Variants in PCCB observed in about 807,000 individuals in gnomAD.
The protein encoded by PCCB is propionyl-CoA carboxylase beta chain, mitochondrial.
PCCB carries 43 observed loss-of-function variants against 60.7 expected under a neutral mutation model. The ratio of observed to expected loss-of-function variants is 0.71; its 90% confidence interval spans 0.55 to 0.91. PCCB has a LOEUF of 0.91. Ranked by LOEUF, PCCB falls within the 40% of genes least tolerant of loss-of-function variation. The pLI, the probability that PCCB is intolerant of heterozygous loss-of-function variation, is 0.00. For missense variants in PCCB, 766 were observed against 702.8 expected, an observed-to-expected ratio of 1.09 and a Z score of -1.02; for synonymous variants, 276 against 255.9, an observed-to-expected ratio of 1.08 and a Z score of -0.75.
At chr3:136,265,247 A>G (rs1321745684) in intron 5 of PCCB, among the ~76,000 whole-genome samples, 1 of 152,206 alleles carries the variant, frequency 6.6e-6, no homozygotes, top group Non-Finnish European at 1.5e-5. Flanking sequence ...AAATCCACCC[A>G]TTGTGAAAAT....
chr3:136,320,398 G>A (rs1327782429), intron 10 of PCCB, among the ~76,000 whole-genome samples: 4 of 152,052 alleles, frequency 2.6e-5, no homozygotes, highest in African/African-American at 9.7e-5. Flanking sequence ...CAGAGTCCAA[G>A]CCTATCACCT....
intron 5 of PCCB, among the ~76,000 whole-genome samples, chr3:136,268,108 A>ATGTATATATATATATC (rs1560002540): frequency 8.0e-6 from 1 of 125,534 alleles, no homozygotes. Flanking sequence ...ATATATATAT[A>ATGTATATATATATATC]TATATATATA....
intron 13 of PCCB, among the ~76,000 whole-genome samples, chr3:136,328,249 C>T (rs892951876): frequency 6.6e-6 from 1 of 152,196 alleles, no homozygotes; most frequent in South Asian, 2.1e-4. Flanking sequence ...AATCAGATAA[C>T]TTCCAGGTCC....
rs1269554950 is a variant in PCCB, at chr3:136,283,923, A to G, written c.630A>G (p.Leu210=). The G allele has an allele frequency of 9.9e-6, 16 of 1,611,768 alleles. No homozygotes were observed. Among genetic ancestry groups the G allele is most frequent in the East Asian group, 2.2e-5 (1 of 44,890 alleles). ...CAGGAVYSPA[L]TDFTFMVKDT... is the part of the protein sequence containing the mutation. ...GTGGGGCCGTCTACTCCCCAGCCCT[A>G]ACAGACTTCACGTTCATGGTAAAGG... The change falls in exon 6 of 15, where the codon CTA becomes CTG. Residue 210 remains leucine, a synonymous_variant. Transcript: ENST00000251654.
chr3:136,298,824 T>C (rs1237218049), intron 8 of PCCB, among the ~76,000 whole-genome samples: 1 of 152,200 alleles, frequency 6.6e-6, no homozygotes, highest in Admixed American at 6.5e-5. Flanking sequence ...AGAAGGGATT[T>C]GAAATTGTAT....
At position 136,273,942 on chromosome 3, in the gene PCCB, G is replaced by A. The variant is rs1157235219; in HGVS notation, c.544-9895G>A. Among the ~76,000 whole-genome samples, 4 of 142,496 alleles carry A rather than the reference G, an allele frequency of 2.8e-5. 1 individual carries two copies. Among genetic ancestry groups the A allele is most frequent in the Admixed American group, 2.2e-4 (3 of 13,848 alleles). 93.5% of individuals were successfully genotyped at this position (142,496 alleles called of 152,430 possible). A position where few individuals can be genotyped will look rare whatever the true frequency, so the allele number is the denominator to read the frequency against. ...AAAAAAAAAAAAAAAAAAAAGAATAGCTCATTCTGCTTGCTTTTGGTTCCC... is the reference window on the plus strand; with the variant it reads ...AAAAAAAAAAAAAAAAAAAAGAATAACTCATTCTGCTTGCTTTTGGTTCCC... On this transcript the variant is annotated intron_variant, in intron 5 of 14. Coordinates refer to ENST00000251654, the MANE Select transcript of PCCB (RefSeq NM_000532.5).
Position 136,260,641 on chromosome 3 carries a change from C to T in PCCB, c.429+106C>T, listed in dbSNP as rs2108144715. ...ACTGAGCTAGGTACTTGGGGTAGGG[C>T]AGAGGTATGCAAGATGTGCTACCAA... On this transcript the variant is annotated intron_variant, in intron 4 of 14. Coordinates refer to ENST00000251654, the MANE Select transcript of PCCB (RefSeq NM_000532.5). 7.5e-6 allele frequency: 7 copies of T among 937,052 alleles called. No homozygotes were observed. The East Asian group carries it at 1.3e-4, about 17-fold the overall frequency. 58.0% of individuals were successfully genotyped at this position (937,052 alleles called of 1,614,324 possible). A position where few individuals can be genotyped will look rare whatever the true frequency, so the allele number is the denominator to read the frequency against.
chr3:136,277,428 G>A lies in PCCB; in HGVS notation c.544-6409G>A, dbSNP rs576369345. Among the ~76,000 whole-genome samples the A allele has an allele frequency of 1.3e-3, 200 of 152,256 alleles. 1 individual carries two copies. The highest frequency in any genetic ancestry group is 4.6e-3 in the African/African-American group (189 of 41,536). ...GTGGGATTCGAGCTTGTCCTGTGTTGCCCAGGAGGTATTCTGGTTTCTCAG... is the reference window on the plus strand; with the variant it reads ...GTGGGATTCGAGCTTGTCCTGTGTTACCCAGGAGGTATTCTGGTTTCTCAG... On this transcript the variant is annotated intron_variant, in intron 5 of 14. Coordinates refer to ENST00000251654, the MANE Select transcript of PCCB (RefSeq NM_000532.5).
intron 5 of PCCB, 109 bp downstream of exon 5, chr3:136,262,174 T>C: frequency 1.3e-6 from 1 of 758,344 alleles, no homozygotes; most frequent in Admixed American, 2.0e-5. Context: ...CCGCATTGTG[T>C]CTGTTCTGTG....
intron 3 of PCCB, chr3:136,259,149 GT>G: frequency 1.4e-6 from 2 of 1,465,230 alleles, no homozygotes; most frequent in South Asian, 1.4e-5. Flanking sequence ...TCTGATTCTT[GT>G]TTTTTAACCT....
At chr3:136,314,203 A>G (rs895630163) in intron 9 of PCCB, among the ~76,000 whole-genome samples, 3 of 152,252 alleles carry the variant, frequency 2.0e-5, no homozygotes, top group African/African-American at 7.2e-5. Flanking sequence ...AGGAACCAGC[A>G]TGAAGGAACT....
chr3:136,284,732 G>A (rs980977772), intron 6 of PCCB, among the ~76,000 whole-genome samples: 3 of 152,100 alleles, frequency 2.0e-5, no homozygotes, highest in African/African-American at 4.8e-5. Context: ...CAACTATTCT[G>A]TTCTTAGTGA....
At chr3:136,304,599 A>G (rs1934395779) in intron 9 of PCCB, among the ~76,000 whole-genome samples, 1 of 118,754 alleles carries the variant, frequency 8.4e-6, no homozygotes, top group Admixed American at 1.0e-4. Flanking sequence ...GTTAGCCAGG[A>G]TAGTCTCGAT....
intron 5 of PCCB, among the ~76,000 whole-genome samples, chr3:136,280,410 G>A (rs996413786): frequency 7.2e-5 from 11 of 152,086 alleles, no homozygotes; most frequent in Admixed American, 2.6e-4. Flanking sequence ...GCAGTGGTGC[G>A]ATCTTGGCGC....
intron 6 of PCCB, among the ~76,000 whole-genome samples, chr3:136,285,653 C>A (rs1933367957): frequency 6.6e-6 from 1 of 151,934 alleles, no homozygotes. Flanking sequence ...TCCATTATAC[C>A]ATACTCTGGC....
chr3:136,260,057 T>G (rs761240780), intron 3 of PCCB: 3 of 256,510 alleles, frequency 1.2e-5, no homozygotes, highest in South Asian at 4.5e-5. Context: ...CGGGCAACTT[T>G]TTTTGTTTTG....
At chr3:136,299,496 A>G (rs1401632212) in intron 8 of PCCB, among the ~76,000 whole-genome samples, 3 of 149,476 alleles carry the variant, frequency 2.0e-5, no homozygotes, top group African/African-American at 7.6e-5. Context: ...ATGTATATGC[A>G]TGTGTATGTA....
Position 136,326,835 on chromosome 3 carries a change from G to A in PCCB, c.1123G>A (p.Ala375Thr), listed in dbSNP as rs1308190683. ...CLDINSSVKGARFVRFCDAFN... is the reference protein window; with the variant it reads ...CLDINSSVKGTRFVRFCDAFN... Reference sequence around the variant, plus strand: ...GGATATTAATTCATCTGTGAAAGGGGCTCGTTTTGTCAGATTCTGTGATGC... The same window carrying A: ...GGATATTAATTCATCTGTGAAAGGGACTCGTTTTGTCAGATTCTGTGATGC... Residue 375 changes from alanine to threonine, a missense_variant, in exon 11 of 15, where the codon GCT becomes ACT. Physicochemically the swap from Ala to Thr is moderately conservative, Grantham distance 58 (BLOSUM62 0). Transcript: ENST00000251654. 2.5e-6 allele frequency: 4 copies of A among 1,611,988 alleles called. 1 individual carries two copies. In the East Asian group the frequency reaches 6.7e-5, roughly 27 times the overall value.
At chr3:136,285,680 C>G (rs1933369151) in intron 6 of PCCB, among the ~76,000 whole-genome samples, 1 of 152,146 alleles carries the variant, frequency 6.6e-6, no homozygotes, top group Admixed American at 6.5e-5. Context: ...TCTCACAACT[C>G]TGACCATACC....
Sources: allele counts gnomAD v4.1 joint callset (sites outside exome capture counted in the v4.1 genomes callset), GRCh38; gene constraint gnomAD v4.1.1; transcripts MANE v1.5; gene names NCBI Gene and HGNC (gene_info 2026-07-23, HGNC 2026-07-21).